The following RIIAD1 variants were observed in gnomAD, a reference collection of about 807,000 sequenced individuals.
RIIAD1 encodes the protein regulatory subunit of type II PKA R-subunit domain containing 1.
A neutral mutation model predicts 13.3 loss-of-function variants in RIIAD1; 15 were observed. The ratio of observed to expected loss-of-function variants is 1.13; its 90% confidence interval spans 0.76 to 1.74. The LOEUF is 1.74. RIIAD1 is among the 40% of genes most tolerant of loss of function. RIIAD1 has a pLI of 0.00. For synonymous variants in RIIAD1, 50 were observed against 43.3 expected, an observed-to-expected ratio of 1.16 and a Z score of -0.61; for missense variants, 121 against 112.2, an observed-to-expected ratio of 1.08 and a Z score of -0.35.
At chr1:151,711,810 C>T (rs1673045899) in intron 1 of RIIAD1, 1 of 152,330 alleles carries the variant, frequency 6.6e-6, no homozygotes. Context: ...GCCCCCTTCC[C>T]AGCAGGCCTG....
chr1:151,714,776 C>A, intron 4 of RIIAD1: 1 of 843,988 alleles, frequency 1.2e-6, no homozygotes, highest in Non-Finnish European at 1.9e-6. Flanking sequence ...GGGAAGCTTT[C>A]CCTTCTTGTC....
chr1:151,717,820 C>T (rs1217890210), upstream of RIIAD1, among the ~76,000 whole-genome samples: 35 of 152,222 alleles, frequency 2.3e-4, no homozygotes, highest in Admixed American at 2.3e-3. Context: ...GGGACCATTG[C>T]TCCCCTGACC....
upstream of RIIAD1, among the ~76,000 whole-genome samples, chr1:151,717,873 G>A (rs561016607): frequency 3.9e-5 from 6 of 152,172 alleles, no homozygotes; most frequent in Non-Finnish European, 7.4e-5. Context: ...ACGATCTGGA[G>A]GGAGCGTGAC....
intron 3 of RIIAD1, 22 bp from the exon 4 acceptor site, chr1:151,728,741 GTCT>G: frequency 7.2e-7 from 1 of 1,382,330 alleles, no homozygotes; most frequent in Non-Finnish European, 1.0e-6. Flanking sequence ...TATAGATGAT[GTCT>G]TCTTTTTGAT....
intron 4 of RIIAD1, chr1:151,716,355 G>A (rs1673479409): frequency 6.4e-6 from 2 of 311,696 alleles, no homozygotes; most frequent in Non-Finnish European, 1.2e-5. Context: ...AGCCGGGGGT[G>A]CTAGGGCTTA....
At chr1:151,728,420 C>A (rs1426159479) in intron 3 of RIIAD1, 2 of 298,750 alleles carry the variant, frequency 6.7e-6, no homozygotes, top group Admixed American at 9.2e-5. Flanking sequence ...AATCCCTGAG[C>A]CCTCTGATGG....
At chr1:151,726,547 C>T (rs547516825) in intron 2 of RIIAD1, among the ~76,000 whole-genome samples, 1 of 152,252 alleles carries the variant, frequency 6.6e-6, no homozygotes, top group South Asian at 2.1e-4. Context: ...GGGCACTGAC[C>T]TTGGAGTCAC....
rs567907408 is a variant in RIIAD1 at position 151,723,839 on chromosome 1, C to T, written c.161+1677C>T. On this transcript the variant is annotated intron_variant, in intron 2 of 4. Coordinates refer to ENST00000479191, the MANE Select transcript of RIIAD1 (RefSeq NM_001144956.3). Reference sequence around the variant, plus strand: ...GTTATGAAGGTTGGCCAGGGATAAGCCTTGGGCAAAAGAGAGTTTAGGGAT... The same window carrying T: ...GTTATGAAGGTTGGCCAGGGATAAGTCTTGGGCAAAAGAGAGTTTAGGGAT... 6.4e-4 allele frequency among the ~76,000 whole-genome samples: 98 copies of T among 152,284 alleles called. 1 individual carries two copies. In the South Asian group the frequency reaches 0.012, roughly 19 times the overall value.
Position 151,722,092 on chromosome 1 carries a change from A to T in RIIAD1, c.91A>T (p.Thr31Ser). ...CTTTGTTCTTGCCCCCCAGATTCAG[A>T]CTCGGATTGCTAACGAAAAGTACCT... ...LEQLRKFKIQ[T>S]RIANEKYLRT... The change falls in exon 2 of 5, where the codon ACT becomes TCT. Residue 31 changes from threonine (T) to serine (S), a missense_variant. Thr to Ser is a moderately conservative substitution (Grantham distance 58, BLOSUM62 1). Coordinates refer to ENST00000479191, the MANE Select transcript of RIIAD1 (RefSeq NM_001144956.3). 6.5e-7 allele frequency: 1 copy of T among 1,550,332 alleles called. No individual in the cohort carries two copies.
Position 151,727,564 on chromosome 1 carries a change from A to G in RIIAD1, c.162-11A>G. The G allele has an allele frequency of 1.9e-6, 3 of 1,540,374 alleles. No individual in the cohort carries two copies. The highest frequency in any genetic ancestry group is 2.6e-6 in the Non-Finnish European group (3 of 1,136,754). On this transcript the variant is annotated splice_polypyrimidine_tract_variant and intron_variant, in intron 2 of 4. Coordinates refer to ENST00000479191, the MANE Select transcript of RIIAD1 (RefSeq NM_001144956.3). ...ACTTTACCTCCCATCCTATCCCTTA[A>G]TGTTTTCCAGAGAAATATTTTTGAA...
chr1:151,718,700 T>G (rs892703585), upstream of RIIAD1, among the ~76,000 whole-genome samples: 38 of 152,076 alleles, frequency 2.5e-4, no homozygotes, highest in Non-Finnish European at 4.0e-4. Context: ...TCCCCTAAGA[T>G]GGGGTGGCAG....
intron 3 of RIIAD1, among the ~76,000 whole-genome samples, chr1:151,728,140 T>C (rs575428228): frequency 8.5e-5 from 13 of 152,324 alleles, no homozygotes; most frequent in African/African-American, 2.9e-4. Context: ...GTCCTGAGAA[T>C]TGGTTACATC....
At chr1:151,713,121 C>T (rs1673166489) in intron 2 of RIIAD1, among the ~76,000 whole-genome samples, 1 of 152,210 alleles carries the variant, frequency 6.6e-6, no homozygotes, top group South Asian at 2.1e-4. Flanking sequence ...GAAGCTGTGT[C>T]AGGTCCCTCT....
intron 4 of RIIAD1, among the ~76,000 whole-genome samples, chr1:151,715,152 T>A (rs1486720295): frequency 1.3e-5 from 2 of 151,910 alleles, no homozygotes; most frequent in Admixed American, 1.3e-4. Flanking sequence ...GGAAGAACAG[T>A]TAGTTAGCCG....
intron 2 of RIIAD1, among the ~76,000 whole-genome samples, chr1:151,712,786 A>C (rs73001920): frequency 0.1 from 15,909 of 152,240 alleles, 867 homozygotes; most frequent in South Asian, 0.13. Flanking sequence ...ATGGGGAGCA[A>C]GGAGAGGGGG....
intron 2 of RIIAD1, among the ~76,000 whole-genome samples, chr1:151,724,958 C>T (rs1224732649): frequency 6.6e-6 from 1 of 151,952 alleles, no homozygotes; most frequent in Non-Finnish European, 1.5e-5. Flanking sequence ...CGCCACCACG[C>T]CCGGCTAATT....
rs2101516295 is a variant in RIIAD1, at chr1:151,727,597, G to A, written c.184G>A (p.Asp62Asn). 6.4e-7 allele frequency: 1 copy of A among 1,550,512 alleles called. No homozygotes were observed. Among genetic ancestry groups the A allele is most frequent in the South Asian group, 1.2e-5 (1 of 84,032 alleles). ...FFREIFLKRP[D>N]NILEFAADYF... is the part of the protein sequence containing the mutation. ...CAGAGAAATATTTTTGAAAAGACCA[G>A]ACAACATCCTAGAATTTGCTGCAGG... The change falls in exon 3 of 5, where the codon GAC becomes AAC. Residue 62 changes from aspartate to asparagine, a missense_variant. Physicochemically the swap from Asp to Asn is conservative, Grantham distance 23. Transcript: ENST00000479191.
intron 2 of RIIAD1, among the ~76,000 whole-genome samples, chr1:151,713,099 C>T (rs933755631): frequency 6.6e-6 from 1 of 152,240 alleles, no homozygotes; most frequent in African/African-American, 2.4e-5. Flanking sequence ...ATGGAACCCT[C>T]ATTTCCTACT....
rs1647256517 is a variant in RIIAD1, at chr1:151,729,020, A to G, written c.*57+127A>G. On this transcript the variant is annotated intron_variant, in intron 4 of 4. Coordinates refer to ENST00000479191, the MANE Select transcript of RIIAD1 (RefSeq NM_001144956.3). ...AAAGAGAAGTTTAATGTAAATGTTT[A>G]GTTTTTCCTCTACTGTTTTGGGGAA... 2.7e-5 allele frequency: 16 copies of G among 596,444 alleles called. No individual in the cohort carries two copies. In the South Asian group the frequency reaches 2.9e-4, roughly 11 times the overall value. 36.9% of individuals were successfully genotyped at this position (596,444 alleles called of 1,614,324 possible).
Sources: gnomAD v4.1 joint callset for allele counts (sites outside exome capture counted in the v4.1 genomes callset) on GRCh38, gnomAD v4.1.1 for gene constraint, MANE v1.5 for transcripts, NCBI Gene and HGNC (gene_info 2026-07-23, HGNC 2026-07-21) for gene names.